Variants in LAMA2 observed in about 807,000 individuals in gnomAD.
The protein encoded by LAMA2 is laminin subunit alpha 2, also known as laminin subunit alpha-2.
LAMA2 carries 269 observed loss-of-function variants against 364.8 expected under a neutral mutation model. The observed-to-expected ratio is 0.74, with a 90% CI of 0.67 to 0.82. The LOEUF (loss-of-function observed/expected upper bound fraction) is 0.82, where lower values mean the gene tolerates loss of function less well. Among genes scored for constraint, LAMA2 ranks in the 40% least tolerant of loss-of-function variants. The pLI is 0.00. For synonymous variants in LAMA2, 1,379 were observed against 1,370.6 expected (o/e 1.01, Z -0.14); for missense variants, 3,807 against 3,873.2 (o/e 0.98, Z 0.45).
intron 3 of LAMA2, among the ~76,000 whole-genome samples, chr6:129,084,968 A>G (rs1368358928): frequency 6.6e-6 from 1 of 152,090 alleles, no homozygotes; most frequent in Non-Finnish European, 1.5e-5. Context: ...GACTCAGTTT[A>G]TAGTGTCTGG....
chr6:129,110,732 G>A lies in LAMA2; in HGVS notation c.639+12317G>A, dbSNP rs1776111719. On this transcript the variant is annotated intron_variant, in intron 4 of 64. Transcript: ENST00000421865. ...AACACTAATCTCTGGTCCAGGTCCA[G>A]TCCAGATCTTCTGATGGCAAACCTT... Among the ~76,000 whole-genome samples, 4 of 152,002 alleles carry A rather than the reference G, an allele frequency of 2.6e-5. No homozygotes were observed. In the South Asian group the frequency reaches 6.2e-4, roughly 24 times the overall value.
At position 129,190,293 on chromosome 6, in the gene LAMA2, T is replaced by C. The variant is rs1781455187; in HGVS notation, c.1556T>C (p.Phe519Ser). 6.2e-7 allele frequency: 1 copy of C among 1,613,654 alleles called. No individual in the cohort carries two copies. Among genetic ancestry groups the C allele is most frequent in the Admixed American group, 1.7e-5 (1 of 60,008 alleles). Residue 519 changes from phenylalanine to serine, a missense_variant, in exon 11 of 65, where the codon TTC becomes TCC. By Grantham distance (155) the Phe-to-Ser change is radical. This residue lies in a region of LAMA2 where 3,333 missense variants were observed against 3,345.7 expected (regional missense o/e 1.00). Coordinates refer to ENST00000421865, the MANE Select transcript of LAMA2 (RefSeq NM_000426.4). ...AATTGGAAAGGCTGCGATGAGTGTT[T>C]CTGTTCAGGGGTTTCAAACAGATGT... ...EDNWKGCDECFCSGVSNRCQS... is the reference protein window; with the variant it reads ...EDNWKGCDECSCSGVSNRCQS...
chr6:128,945,836 T>A (rs1345935784), intron 1 of LAMA2, among the ~76,000 whole-genome samples: 2 of 152,194 alleles, frequency 1.3e-5, no homozygotes, highest in Admixed American at 6.6e-5. Flanking sequence ...TTAGGTAACA[T>A]TTTACAACAA....
intron 12 of LAMA2, among the ~76,000 whole-genome samples, chr6:129,200,497 CAT>C (rs548702129): frequency 1.2e-4 from 18 of 149,958 alleles, no homozygotes; most frequent in East Asian, 7.9e-4. Flanking sequence ...TGTATGTACA[CAT>C]ATATATGTGT....
At chr6:129,455,815 A>C (rs1235038034) in intron 47 of LAMA2, among the ~76,000 whole-genome samples, 1 of 152,194 alleles carries the variant, frequency 6.6e-6, no homozygotes, top group Non-Finnish European at 1.5e-5. Flanking sequence ...TTCTAGGAAG[A>C]CTACTTCAAC....
At chr6:128,975,751 C>T (rs1028222104) in intron 1 of LAMA2, among the ~76,000 whole-genome samples, 4 of 152,180 alleles carry the variant, frequency 2.6e-5, no homozygotes, top group African/African-American at 4.8e-5. Context: ...CCATGTAAGA[C>T]GTGACTTTGC....
intron 4 of LAMA2, among the ~76,000 whole-genome samples, chr6:129,113,312 G>A (rs941448380): frequency 1.3e-5 from 2 of 151,944 alleles, no homozygotes; most frequent in Non-Finnish European, 2.9e-5. Context: ...GGTAATGTTC[G>A]AATTCTAAGT....
chr6:129,161,209 C>T (rs1179191556), intron 8 of LAMA2, among the ~76,000 whole-genome samples: 2 of 152,004 alleles, frequency 1.3e-5, no homozygotes, highest in East Asian at 3.9e-4. Context: ...ATTGCCACAG[C>T]AGTTTTCATA....
At chr6:129,046,809 G>T (rs1036578540) in intron 1 of LAMA2, among the ~76,000 whole-genome samples, 1 of 152,068 alleles carries the variant, frequency 6.6e-6, no homozygotes, top group African/African-American at 2.4e-5. Context: ...TGCCTGATAT[G>T]TTTGTTTTTT....
At chr6:129,338,450 T>C (rs910902051) in intron 29 of LAMA2, among the ~76,000 whole-genome samples, 2 of 152,306 alleles carry the variant, frequency 1.3e-5, no homozygotes, top group East Asian at 3.9e-4. Flanking sequence ...TACTGTTAAA[T>C]ATGGAATGGC....
chr6:128,964,519 T>C (rs1044356215), intron 1 of LAMA2, among the ~76,000 whole-genome samples: 2 of 152,060 alleles, frequency 1.3e-5, no homozygotes, highest in African/African-American at 4.8e-5. Context: ...GGACAGAATA[T>C]CTACAATGTT....
chr6:129,134,551 CAG>C (rs1491146120), intron 4 of LAMA2, among the ~76,000 whole-genome samples: 1 of 152,108 alleles, frequency 6.6e-6, no homozygotes, highest in African/African-American at 2.4e-5. Context: ...ATGGAATTGA[CAG>C]GGGGGATGGG....
At chr6:128,981,579 CA>C (rs145266584) in intron 1 of LAMA2, among the ~76,000 whole-genome samples, 2,517 of 119,378 alleles carry the variant, frequency 0.021, 44 homozygotes, top group Non-Finnish European at 0.027. Context: ...CCATCTCTAC[CA>C]AAAAAAAAAA....
At chr6:129,044,875 G>A (rs1471496104) in intron 1 of LAMA2, among the ~76,000 whole-genome samples, 1 of 151,980 alleles carries the variant, frequency 6.6e-6, no homozygotes, top group Admixed American at 6.6e-5. Flanking sequence ...CACTCCTAAT[G>A]TTTACATAAT....
intron 37 of LAMA2, among the ~76,000 whole-genome samples, chr6:129,397,532 ACAAAC>A (rs2114683938): frequency 6.6e-6 from 1 of 152,272 alleles, no homozygotes; most frequent in Admixed American, 6.5e-5. Context: ...GTGCCATAGA[ACAAAC>A]CCAGATACTC....
intron 22 of LAMA2, among the ~76,000 whole-genome samples, chr6:129,309,509 A>C (rs1273020314): frequency 3.3e-5 from 5 of 152,256 alleles, no homozygotes; most frequent in Admixed American, 3.3e-4. Flanking sequence ...GATGCCTCAC[A>C]GGATAATTTA....
In LAMA2 at chr6:129,172,448, T is replaced by C. The variant is rs966718446; in HGVS notation, c.1307-5258T>C. Among the ~76,000 whole-genome samples, 5 of 152,304 alleles carry C rather than the reference T, an allele frequency of 3.3e-5. No individual in the cohort carries two copies. The South Asian group carries it at 1.0e-3, about 32-fold the overall frequency. On this transcript the variant is annotated intron_variant, in intron 9 of 64. Transcript: ENST00000421865. ...AATACCCTGCCGTGTGAGGTGTCAGTGTGCCCCTGCTGGGGGGTGCCTCCC... is the reference window on the plus strand; with the variant it reads ...AATACCCTGCCGTGTGAGGTGTCAGCGTGCCCCTGCTGGGGGGTGCCTCCC...
intron 55 of LAMA2, 136 bp downstream of exon 55, chr6:129,481,575 C>T: frequency 1.3e-6 from 1 of 749,718 alleles, no homozygotes. Context: ...TTCCATATTT[C>T]CATGCTGGCC....
At chr6:128,919,174 C>G (rs952770484) in intron 1 of LAMA2, among the ~76,000 whole-genome samples, 2 of 152,158 alleles carry the variant, frequency 1.3e-5, no homozygotes, top group Non-Finnish European at 2.9e-5. Context: ...TTCTATTTCT[C>G]TCTTTGAGAA....
Sources: gnomAD v4.1 joint callset for allele counts (sites outside exome capture counted in the v4.1 genomes callset) on GRCh38, gnomAD v4.1.1 for gene constraint, gnomAD v4.1.1 regional missense constraint, MANE v1.5 for transcripts, NCBI Gene and HGNC (gene_info 2026-07-23, HGNC 2026-07-21) for gene names.